The following MED24 variants were observed in gnomAD, a reference collection of about 807,000 sequenced individuals.
The protein encoded by MED24 is mediator complex subunit 24.
A neutral mutation model predicts 118.8 loss-of-function variants in MED24; 74 were observed. The ratio of observed to expected loss-of-function variants is 0.62; its 90% CI spans 0.52 to 0.76. The LOEUF (loss-of-function observed/expected upper bound fraction) is 0.76, where lower values mean the gene tolerates loss of function less well. Ranked by LOEUF, MED24 falls within the 30% of genes least tolerant of loss-of-function variation. The probability of loss-of-function intolerance (pLI) is 0.00; values close to 1 mark genes in which losing one functional copy is unlikely to be tolerated. For missense variants in MED24, 1,041 were observed against 1,278.9 expected (o/e 0.81, Z 2.84); for synonymous variants, 521 against 523.9 (o/e 0.99, Z 0.08).
Position 40,031,530 on chromosome 17 carries a change from G to A in MED24, c.1067+8C>T. On this transcript the variant is annotated splice_region_variant and intron_variant, in intron 11 of 25. Coordinates refer to ENST00000394128, the MANE Select transcript of MED24 (RefSeq NM_014815.4). ...CAGTAGGGCGGGGGTGACCAGGGGAGCTCATACTTGCAGCGCTGGTCAGCT... is the reference window on the plus strand; with the variant it reads ...CAGTAGGGCGGGGGTGACCAGGGGAACTCATACTTGCAGCGCTGGTCAGCT... The A allele has an allele frequency of 6.2e-7, 1 of 1,613,248 alleles. No individual in the cohort carries two copies. The highest frequency in any genetic ancestry group is 8.5e-7 in the Non-Finnish European group (1 of 1,179,218).
intron 3 of MED24, 98 bp from the exon 4 acceptor site, chr17:40,036,252 C>A (rs921302960): frequency 1.6e-6 from 2 of 1,250,062 alleles, no homozygotes; most frequent in African/African-American, 2.9e-5. Flanking sequence ...TCTCCTGAAC[C>A]TCAACCCCTT....
rs552795293 is a variant in MED24, at chr17:40,027,070, G to A, written c.1531-36C>T. The A allele has an allele frequency of 3.1e-6, 5 of 1,609,256 alleles. No individual in the cohort carries two copies. In the African/African-American group the frequency reaches 5.3e-5, roughly 17 times the overall value. On this transcript the variant is annotated intron_variant, in intron 16 of 25. Coordinates refer to ENST00000394128, the MANE Select transcript of MED24 (RefSeq NM_014815.4). ...GGAAGGGGGGCACCAGCCGAGTGGG[G>A]AGGGCGCGGCGCCTGCCAGCGCTGG...
chr17:40,024,296 G>A (rs538987108), intron 19 of MED24, among the ~76,000 whole-genome samples: 81 of 152,282 alleles, frequency 5.3e-4, no homozygotes, highest in African/African-American at 1.9e-3. Context: ...CACTTCAGGA[G>A]GCTGAGGCGG....
At chr17:40,032,331 G>C (rs956041360) in intron 9 of MED24, 2 of 580,416 alleles carry the variant, frequency 3.4e-6, no homozygotes, top group African/African-American at 3.8e-5. Context: ...AGAAAAAGAT[G>C]CCATAAGCAA....
At position 40,023,116 on chromosome 17, in the gene MED24, C is replaced by T. The variant is rs945636488; in HGVS notation, c.2250+15G>A. 1.2e-6 allele frequency: 2 copies of T among 1,607,354 alleles called. No individual in the cohort carries two copies. The highest frequency in any genetic ancestry group is 1.7e-6 in the Non-Finnish European group (2 of 1,175,490). On this transcript the variant is annotated intron_variant, in intron 20 of 25. Transcript: ENST00000394128. ...CAGGACCCATGTCGGCCCACAGCCA[C>T]TCCAGCCCAAGTACCTTAATCAGGT... is the stretch of plus-strand genomic sequence containing the variant.
chr17:40,054,263 G>C (rs1318017255), intron 1 of MED24, 98 bp downstream of exon 1: 2 of 154,296 alleles, frequency 1.3e-5, no homozygotes, highest in African/African-American at 2.4e-5. Context: ...ACCATTCCAA[G>C]TCCAGATTTG....
At chr17:40,049,558 C>T (rs903328527) in intron 3 of MED24, among the ~76,000 whole-genome samples, 6 of 152,014 alleles carry the variant, frequency 3.9e-5, no homozygotes, top group African/African-American at 1.2e-4. Flanking sequence ...GATGGAGTCT[C>T]GCTCTGTCAC....
rs59767650 is a variant in MED24, at chr17:40,019,175, A to AACACACAC, written c.*346_*353dup. 0.03 allele frequency: 4,479 copies of AACACACAC among 148,456 alleles called. 57 individuals carry two copies. Among genetic ancestry groups the AACACACAC allele is most frequent in the South Asian group, 0.051 (267 of 5,258 alleles). The allele number at this position is 148,456 out of a possible 1,614,324, so 9.2% of individuals were successfully genotyped here. A position where few individuals can be genotyped will look rare whatever the true frequency, so the allele number is the denominator to read the frequency against. On this transcript the variant is annotated 3_prime_UTR_variant, in exon 26 of 26. Transcript: ENST00000394128. ...CCTCACATATTACAAAATACACACA[A>AACACACAC]ACACACACACACACACACACACACA...
rs1306911074 is a variant in MED24, at chr17:40,028,861, A to G, written c.1374T>C (p.Thr458=). ...LDLLLAAAAA[T]GKLKSFARKF... ...TCCGGGCGAAGGATTTCAGCTTTCCAGTGGCGGCGGCGGCAGCCAGCAGCA... is the reference window on the plus strand; with the variant it reads ...TCCGGGCGAAGGATTTCAGCTTTCCGGTGGCGGCGGCGGCAGCCAGCAGCA... The change falls in exon 14 of 26, where the codon ACT becomes ACC. Residue 458 remains threonine (T), a synonymous_variant. Coordinates refer to ENST00000394128, the MANE Select transcript of MED24 (RefSeq NM_014815.4). 1 of 1,614,042 alleles carries G rather than the reference A, an allele frequency of 6.2e-7. No homozygotes were observed. Among genetic ancestry groups the G allele is most frequent in the Non-Finnish European group, 8.5e-7 (1 of 1,179,936 alleles).
chr17:40,035,875 G>T (rs1376093127), intron 4 of MED24, 80 bp from the exon 5 acceptor site: 1 of 1,377,832 alleles, frequency 7.3e-7, no homozygotes, highest in Admixed American at 1.8e-5. Flanking sequence ...GTGCATTCAG[G>T]ACTCCTGCTC....
chr17:40,028,976 C>T lies in MED24; in HGVS notation c.1267-8G>A. The T allele has an allele frequency of 6.2e-7, 1 of 1,614,210 alleles. No homozygotes were observed. Among genetic ancestry groups the T allele is most frequent in the Non-Finnish European group, 8.5e-7 (1 of 1,180,042 alleles). ...GTGGTCTGCATCCATCGTCTGGGGA[C>T]AGGACAGGAAATCAAGTCCTGAAGA... On this transcript the variant is annotated splice_polypyrimidine_tract_variant and splice_region_variant and intron_variant, in intron 13 of 25. Coordinates refer to ENST00000394128, the MANE Select transcript of MED24 (RefSeq NM_014815.4).
At position 40,035,367 on chromosome 17, in the gene MED24, A is replaced by G. The variant is rs989345251; in HGVS notation, c.327-18T>C. 2 of 1,559,966 alleles carry G rather than the reference A, an allele frequency of 1.3e-6. No individual in the cohort carries two copies. The highest frequency in any genetic ancestry group is 2.7e-5 in the African/African-American group (2 of 73,380). On this transcript the variant is annotated intron_variant, in intron 5 of 25. Transcript: ENST00000394128. Reference sequence around the variant, plus strand: ...CGTGACAGCTACAGGGAAGGATGCAAAATCAGACTCTGTTCTTCCAATGGC... The same window carrying G: ...CGTGACAGCTACAGGGAAGGATGCAGAATCAGACTCTGTTCTTCCAATGGC...
Position 40,027,449 on chromosome 17 carries a change from G to C in MED24, c.1464C>G (p.Val488=). 1 of 1,612,538 alleles carries C rather than the reference G, an allele frequency of 6.2e-7. No individual in the cohort carries two copies. Among genetic ancestry groups the C allele is most frequent in the South Asian group, 1.1e-5 (1 of 90,694 alleles). ...GSEESTKPAS[V]RALLFDISFL... ...AGGAGATGTCAAACAGCAGGGCCCG[G>C]ACGGAGGCCGGTTTGGCTGTGGAAG... The change falls in exon 16 of 26, where the codon GTC becomes GTG. Residue 488 remains valine, a synonymous_variant. Transcript: ENST00000394128.
chr17:40,033,137 C>G lies in MED24; in HGVS notation c.741G>C (p.Val247=). The change falls in exon 8 of 26, where the codon GTG becomes GTC. Residue 247 remains valine (V), a synonymous_variant. Coordinates refer to ENST00000394128, the MANE Select transcript of MED24 (RefSeq NM_014815.4). The surrounding 1 kb of genome is among the most constrained non-coding windows in gnomAD (Gnocchi z 5.2). Reference sequence around the variant, plus strand: ...GGTTCATGGTGCCCTCGAGCAGGATCACGGCGTGGACAGTGGGGAAGCCGG... The same window carrying G: ...GGTTCATGGTGCCCTCGAGCAGGATGACGGCGTGGACAGTGGGGAAGCCGG... ...HKTGFPTVHA[V]ILLEGTMNLT... The G allele has an allele frequency of 5.6e-6, 9 of 1,614,184 alleles. No individual in the cohort carries two copies. Among genetic ancestry groups the G allele is most frequent in the Non-Finnish European group, 7.6e-6 (9 of 1,180,042 alleles).
intron 3 of MED24, among the ~76,000 whole-genome samples, chr17:40,052,207 C>A (rs1418995992): frequency 6.6e-6 from 1 of 152,044 alleles, no homozygotes; most frequent in Non-Finnish European, 1.5e-5. Context: ...GTAGGAGAAT[C>A]GCTTGAACCC....
intron 3 of MED24, among the ~76,000 whole-genome samples, chr17:40,049,240 C>T (rs1985563493): frequency 6.6e-6 from 1 of 152,130 alleles, no homozygotes; most frequent in Non-Finnish European, 1.5e-5. Flanking sequence ...AGAGCAAACT[C>T]CTTTTCTCTA....
chr17:40,052,297 A>C (rs1190222349), intron 3 of MED24, among the ~76,000 whole-genome samples: 4 of 152,206 alleles, frequency 2.6e-5, no homozygotes, highest in Non-Finnish European at 4.4e-5. Context: ...TGACTCAAAA[A>C]AAGGTAGGTA....
At chr17:40,022,575 G>A in intron 21 of MED24, 70 bp downstream of exon 21, 1 of 1,603,106 alleles carries the variant, frequency 6.2e-7, no homozygotes, top group South Asian at 1.1e-5. Flanking sequence ...CAGTCTCCCA[G>A]GGTGGCACCA....
In MED24 at chr17:40,019,741, C is replaced by A. The variant is rs965229195; in HGVS notation, c.2853+44G>T. 8 of 1,604,276 alleles carry A rather than the reference C, an allele frequency of 5.0e-6. No homozygotes were observed. In the East Asian group the frequency reaches 1.6e-4, roughly 31 times the overall value. ...CCCCTCCCTGCTCTAAGGGCTGCCC[C>A]GAGGCCCCAGCACCAGCAGGAGAGC... is the stretch of plus-strand genomic sequence containing the variant. On this transcript the variant is annotated intron_variant, in intron 25 of 25. Coordinates refer to ENST00000394128, the MANE Select transcript of MED24 (RefSeq NM_014815.4).
Sources: allele counts gnomAD v4.1 joint callset (sites outside exome capture counted in the v4.1 genomes callset), GRCh38; gene constraint gnomAD v4.1.1; non-coding constraint Gnocchi (gnomAD v3.1); transcripts MANE v1.5; gene names NCBI Gene and HGNC (gene_info 2026-07-23, HGNC 2026-07-21).